Variants in ADORA1 observed in about 807,000 individuals in gnomAD.
ADORA1 encodes adenosine receptor A1.
In ADORA1, 6 loss-of-function variants were observed where a neutral mutation model predicts 19.9. The observed-to-expected ratio is 0.30, with a 90% CI of 0.17 to 0.59. The LOEUF (loss-of-function observed/expected upper bound fraction) is 0.59, where lower values mean the gene tolerates loss of function less well. Ranked by LOEUF, ADORA1 falls within the 20% of genes least tolerant of loss-of-function variation. The pLI, the probability that ADORA1 is intolerant of heterozygous loss-of-function variation, is 0.87. For synonymous variants in ADORA1, 194 were observed against 188.4 expected, an observed-to-expected ratio of 1.03 and a Z score of -0.24; for missense variants, 302 against 439.2, an observed-to-expected ratio of 0.69 and a Z score of 2.79.
intron 3 of ADORA1, among the ~76,000 whole-genome samples, chr1:203,153,908 A>G (rs932800381): frequency 1.3e-5 from 2 of 152,170 alleles, no homozygotes; most frequent in African/African-American, 2.4e-5. Flanking sequence ...GAGATCCTTG[A>G]TAAGAGAGGA....
intron 3 of ADORA1, among the ~76,000 whole-genome samples, chr1:203,149,674 G>C (rs558932788): frequency 9.2e-5 from 14 of 152,312 alleles, no homozygotes; most frequent in African/African-American, 3.4e-4. Context: ...TCTGTAGAAG[G>C]CCCCTCAGCT....
At position 203,165,708 on chromosome 1, in the gene ADORA1, C is replaced by A; in HGVS notation, c.789C>A (p.Cys263Ter). ...LNCITLFCPS[C>*]HKPSILTYIA... is the part of the protein sequence containing the mutation. Reference sequence around the variant, plus strand: ...GCATCACCCTCTTCTGCCCGTCCTGCCACAAGCCCAGCATCCTTACCTACA... The same window carrying A: ...GCATCACCCTCTTCTGCCCGTCCTGACACAAGCCCAGCATCCTTACCTACA... The change falls in exon 4 of 4, where the codon TGC (cysteine) becomes TGA (stop). Residue 263 changes from cysteine to a stop codon, truncating the protein, a stop_gained. Transcript: ENST00000337894. LOFTEE classifies it high-confidence loss of function. The surrounding 1 kb of genome is among the most constrained non-coding windows in gnomAD (Gnocchi z 5.9). The A allele has an allele frequency of 6.2e-7, 1 of 1,611,762 alleles. No individual in the cohort carries two copies. Among genetic ancestry groups the A allele is most frequent in the South Asian group, 1.1e-5 (1 of 90,700 alleles).
intron 3 of ADORA1, chr1:203,150,733 G>A (rs553075975): frequency 1.2e-5 from 15 of 1,289,824 alleles, no homozygotes; most frequent in South Asian, 7.4e-5. Context: ...TGTGGAATGC[G>A]GAGCTGAGTG....
In ADORA1 at chr1:203,166,660, G is replaced by A. The variant is rs561056662; in HGVS notation, c.*760G>A. Reference sequence around the variant, plus strand: ...GTAGGTGCTGGCCTCAAACAGCCACGAGGTGGTAGCTCTGAGCCCTCCTTC... The same window carrying A: ...GTAGGTGCTGGCCTCAAACAGCCACAAGGTGGTAGCTCTGAGCCCTCCTTC... On this transcript the variant is annotated 3_prime_UTR_variant, in exon 4 of 4. Transcript: ENST00000337894. 2 of 152,464 alleles carry A rather than the reference G, an allele frequency of 1.3e-5. No homozygotes were observed. Among genetic ancestry groups the A allele is most frequent in the African/African-American group, 4.8e-5 (2 of 41,432 alleles). The allele number at this position is 152,464 out of a possible 1,614,324, so 9.4% of individuals were successfully genotyped here.
chr1:203,139,310 A>T (rs1654606074), intron 3 of ADORA1, among the ~76,000 whole-genome samples: 2 of 152,200 alleles, frequency 1.3e-5, no homozygotes, highest in East Asian at 3.8e-4. Flanking sequence ...CTGTGGCAAC[A>T]TGCGGCATCT....
chr1:203,143,417 G>A (rs906954358), intron 3 of ADORA1, among the ~76,000 whole-genome samples: 27 of 152,192 alleles, frequency 1.8e-4, no homozygotes, highest in African/African-American at 6.3e-4. Flanking sequence ...TGGGGATTAA[G>A]TTTTCAACAC....
At chr1:203,143,361 T>G (rs1357991014) in intron 3 of ADORA1, among the ~76,000 whole-genome samples, 1 of 152,156 alleles carries the variant, frequency 6.6e-6, no homozygotes, top group Non-Finnish European at 1.5e-5. Context: ...CTAACCCTAA[T>G]TACCTCCCAA....
At chr1:203,160,327 CT>C in intron 3 of ADORA1, among the ~76,000 whole-genome samples, 1 of 152,316 alleles carries the variant, frequency 6.6e-6, no homozygotes, top group African/African-American at 2.4e-5. Flanking sequence ...ATTATACCCG[CT>C]GGTTGAGCAT....
intron 3 of ADORA1, among the ~76,000 whole-genome samples, chr1:203,132,657 A>G (rs533949312): frequency 1.3e-5 from 2 of 152,134 alleles, no homozygotes; most frequent in Non-Finnish European, 2.9e-5. Context: ...AGCCTGGACA[A>G]CATGGTGAAA....
intron 3 of ADORA1, among the ~76,000 whole-genome samples, chr1:203,144,121 C>CACAG (rs1395290337): frequency 5.4e-5 from 8 of 147,526 alleles, no homozygotes; most frequent in Non-Finnish European, 1.1e-4. Context: ...CACACACACA[C>CACAG]AGCTGTTCCT....
At chr1:203,161,189 C>G (rs565389523) in intron 3 of ADORA1, among the ~76,000 whole-genome samples, 36 of 152,370 alleles carry the variant, frequency 2.4e-4, no homozygotes, top group African/African-American at 8.4e-4. Flanking sequence ...ATCCCTTTCC[C>G]TCTCAGGGTC....
chr1:203,165,739 A>G lies in ADORA1; in HGVS notation c.820A>G (p.Ile274Val), dbSNP rs1558140945. Residue 274 changes from isoleucine (I) to valine (V), a missense_variant, in exon 4 of 4, where the codon ATC becomes GTC. Physicochemically the swap from Ile to Val is conservative, Grantham distance 29. Coordinates refer to ENST00000337894, the MANE Select transcript of ADORA1 (RefSeq NM_000674.3). The surrounding 1 kb of genome is among the most constrained non-coding windows in gnomAD (Gnocchi z 5.9). ...HKPSILTYIA[I>V]FLTHGNSAMN... is the part of the protein sequence containing the mutation. Reference sequence around the variant, plus strand: ...GCCCAGCATCCTTACCTACATTGCCATCTTCCTCACGCACGGCAACTCGGC... The same window carrying G: ...GCCCAGCATCCTTACCTACATTGCCGTCTTCCTCACGCACGGCAACTCGGC... 2 of 1,613,672 alleles carry G rather than the reference A, an allele frequency of 1.2e-6. No individual in the cohort carries two copies. The highest frequency in any genetic ancestry group is 1.7e-6 in the Non-Finnish European group (2 of 1,179,744).
At chr1:203,143,257 G>A (rs953645584) in intron 3 of ADORA1, among the ~76,000 whole-genome samples, 1 of 152,172 alleles carries the variant, frequency 6.6e-6, no homozygotes, top group South Asian at 2.1e-4. Flanking sequence ...GCATCACATG[G>A]TGAGAGGGCA....
rs1654211044 is a variant in ADORA1 at position 203,128,204 on chromosome 1, T to A, written c.-212-74T>A. ...CCACGTCTGCCACCCCAGTCCCAGG[T>A]GCGAAACAGGGGCGCTACCTCTTTA... is the stretch of plus-strand genomic sequence containing the variant. On this transcript the variant is annotated intron_variant, in intron 1 of 3. Transcript: ENST00000337894. The surrounding 1 kb of genome is among the most constrained non-coding windows in gnomAD (Gnocchi z 5.9). The A allele has an allele frequency of 1.5e-6, 1 of 661,386 alleles. No homozygotes were observed. Among genetic ancestry groups the A allele is most frequent in the African/African-American group, 1.9e-5 (1 of 52,186 alleles). 41.0% of individuals were successfully genotyped at this position (661,386 alleles called of 1,614,324 possible).
chr1:203,152,746 A>G (rs893253584), intron 3 of ADORA1: 3 of 152,158 alleles, frequency 2.0e-5, no homozygotes, highest in African/African-American at 7.2e-5. Context: ...GTTTTCCTGC[A>G]TTTACTGTCC....
At chr1:203,129,257 G>A in intron 3 of ADORA1, 75 bp downstream of exon 3, 1 of 1,535,542 alleles carries the variant, frequency 6.5e-7, no homozygotes, top group Admixed American at 2.0e-5. Flanking sequence ...AAGGAAAAAA[G>A]GTAGAGCATA....
In ADORA1 at chr1:203,165,603, G is replaced by T. The variant is rs1167359455; in HGVS notation, c.684G>T (p.Lys228Asn). 1 of 1,613,698 alleles carries T rather than the reference G, an allele frequency of 6.2e-7. No homozygotes were observed. The highest frequency in any genetic ancestry group is 1.3e-5 in the African/African-American group (1 of 75,034). The change falls in exon 4 of 4, where the codon AAG becomes AAT. Residue 228 changes from lysine to asparagine, a missense_variant. By Grantham distance (94) the Lys-to-Asn change is moderately conservative. Coordinates refer to ENST00000337894, the MANE Select transcript of ADORA1 (RefSeq NM_000674.3). This position sits in a 1 kb window ranked among gnomAD's most constrained non-coding sequence, Gnocchi z 5.9. ...SSGDPQKYYG[K>N]ELKIAKSLAL... ...GCGACCCGCAGAAGTACTATGGGAA[G>T]GAGCTGAAGATCGCCAAGTCGCTGG...
rs145173693 is a variant in ADORA1, at chr1:203,128,581, T to C, written c.-58+149T>C. 5.3e-5 allele frequency: 48 copies of C among 907,538 alleles called. No homozygotes were observed. The South Asian group carries it at 7.5e-4, about 14-fold the overall frequency. The allele number at this position is 907,538 out of a possible 1,614,324, so 56.2% of individuals were successfully genotyped here. A position where few individuals can be genotyped will look rare whatever the true frequency, so the allele number is the denominator to read the frequency against. ...AGTGGAGGAGTGAGCGCTGCTATTT[T>C]AAGTTGCTGAATGGAACCTCTGGGA... On this transcript the variant is annotated intron_variant, in intron 2 of 3. Transcript: ENST00000337894. This position sits in a 1 kb window ranked among gnomAD's most constrained non-coding sequence, Gnocchi z 5.9.
intron 3 of ADORA1, among the ~76,000 whole-genome samples, chr1:203,163,512 G>C (rs1655436560): frequency 1.3e-5 from 2 of 152,144 alleles, no homozygotes; most frequent in South Asian, 4.1e-4. Flanking sequence ...AAGGCCCCTT[G>C]GTGGTGGTGG....
Sources: allele counts gnomAD v4.1 joint callset (sites outside exome capture counted in the v4.1 genomes callset), GRCh38; gene constraint gnomAD v4.1.1; non-coding constraint Gnocchi (gnomAD v3.1); transcripts MANE v1.5; gene names NCBI Gene and HGNC (gene_info 2026-07-23, HGNC 2026-07-21).